Variants in ASPH observed in about 807,000 individuals in gnomAD.
ASPH encodes aspartyl/asparaginyl beta-hydroxylase.
ASPH carries 100 observed loss-of-function variants against 118.4 expected under a neutral mutation model. That is an observed-to-expected ratio of 0.84 (90% CI 0.72 to 1.00). ASPH has a LOEUF of 1.00. Ranked by LOEUF, ASPH falls within the 50% of genes least tolerant of loss-of-function variation. ASPH has a pLI of 0.00. For synonymous variants in ASPH, 315 were observed against 325.6 expected, an observed-to-expected ratio of 0.97 and a Z score of 0.35; for missense variants, 920 against 919.5, an observed-to-expected ratio of 1.00 and a Z score of -0.01.
chr8:61,653,714 C>T, intron 3 of ASPH, 54 bp from the exon 4 acceptor site: 1 of 1,525,732 alleles, frequency 6.6e-7, no homozygotes, highest in Non-Finnish European at 8.9e-7. Flanking sequence ...TTTTCTGTCA[C>T]ATTAAACCAG....
intron 17 of ASPH, among the ~76,000 whole-genome samples, chr8:61,563,733 A>T (rs774541444): frequency 3.3e-5 from 5 of 152,164 alleles, no homozygotes; most frequent in Non-Finnish European, 7.3e-5. Flanking sequence ...CCTCACTAAC[A>T]AATCTGGGCT....
At chr8:61,571,976 C>T (rs571080726) in intron 16 of ASPH, among the ~76,000 whole-genome samples, 119 of 152,300 alleles carry the variant, frequency 7.8e-4, no homozygotes, top group African/African-American at 2.8e-3. Flanking sequence ...CATACAGTTG[C>T]TGTCTGCTAA....
At chr8:61,513,634 C>T (rs1285410206) in intron 24 of ASPH, among the ~76,000 whole-genome samples, 1 of 152,156 alleles carries the variant, frequency 6.6e-6, no homozygotes, top group Non-Finnish European at 1.5e-5. Context: ...GAGTTGCAAG[C>T]ACTTTTAAAT....
chr8:61,709,753 G>T (rs1373815944), intron 1 of ASPH, among the ~76,000 whole-genome samples: 1 of 152,122 alleles, frequency 6.6e-6, no homozygotes, highest in Non-Finnish European at 1.5e-5. Context: ...AACAGTGGCT[G>T]GAGTTACCTC....
intron 14 of ASPH, among the ~76,000 whole-genome samples, chr8:61,600,361 T>C (rs1451573549): frequency 1.4e-5 from 2 of 146,280 alleles, no homozygotes; most frequent in South Asian, 2.1e-4. Flanking sequence ...TTTAACATAG[T>C]ATTGGAGGTC....
At chr8:61,515,752 G>A (rs988060585) in intron 24 of ASPH, among the ~76,000 whole-genome samples, 2 of 151,964 alleles carry the variant, frequency 1.3e-5, no homozygotes, top group African/African-American at 2.4e-5. Context: ...CTCAAGCATC[G>A]CCACCCTCCA....
At chr8:61,538,730 C>A (rs1820570934) in intron 21 of ASPH, among the ~76,000 whole-genome samples, 1 of 152,116 alleles carries the variant, frequency 6.6e-6, no homozygotes, top group Non-Finnish European at 1.5e-5. Flanking sequence ...ACATCACTGG[C>A]AAAATATTAC....
At chr8:61,577,418 A>AAAAAAAAAAAAAAAAAC (rs1835658516) in intron 15 of ASPH, among the ~76,000 whole-genome samples, 1 of 149,472 alleles carries the variant, frequency 6.7e-6, no homozygotes, top group Admixed American at 6.6e-5. Flanking sequence ...AAAAAAAAAA[A>AAAAAAAAAAAAAAAAAC]AAAAAGACAA....
intron 14 of ASPH, among the ~76,000 whole-genome samples, chr8:61,607,739 GA>G (rs1451234946): frequency 3.8e-4 from 58 of 152,288 alleles, no homozygotes; most frequent in Admixed American, 1.4e-3. Flanking sequence ...TCCCTTTGCA[GA>G]AAGTGAACAA....
intron 16 of ASPH, among the ~76,000 whole-genome samples, chr8:61,573,464 C>CAAGGCTTTGGTT (rs1834081127): frequency 6.6e-6 from 1 of 152,084 alleles, no homozygotes; most frequent in Admixed American, 6.6e-5. Context: ...CTTCAAACTA[C>CAAGGCTTTGGTT]ACTACAAGGC....
At chr8:61,710,432 T>C (rs1837801284) in intron 1 of ASPH, among the ~76,000 whole-genome samples, 1 of 152,238 alleles carries the variant, frequency 6.6e-6, no homozygotes, top group South Asian at 2.1e-4. Context: ...GAAAATGTCA[T>C]ACATTCATTT....
At chr8:61,556,170 C>T (rs1827794460) in intron 18 of ASPH, 148 bp from the exon 19 acceptor site, 7 of 651,768 alleles carry the variant, frequency 1.1e-5, no homozygotes. Flanking sequence ...CACCATAGTA[C>T]TTTGTCTCAT....
intron 14 of ASPH, among the ~76,000 whole-genome samples, chr8:61,607,912 G>C (rs932896523): frequency 6.6e-6 from 1 of 152,192 alleles, no homozygotes; most frequent in Non-Finnish European, 1.5e-5. Context: ...ATCTCAAAGA[G>C]GATAGTGTCT....
At chr8:61,588,562 T>C (rs1840151383) in intron 14 of ASPH, among the ~76,000 whole-genome samples, 1 of 152,194 alleles carries the variant, frequency 6.6e-6, no homozygotes, top group Non-Finnish European at 1.5e-5. Context: ...TCCTACAAGG[T>C]ATATTTTGAA....
chr8:61,529,019 T>C (rs1359801245), intron 21 of ASPH, among the ~76,000 whole-genome samples: 1 of 152,204 alleles, frequency 6.6e-6, no homozygotes, highest in Non-Finnish European at 1.5e-5. Context: ...AATACTTTCT[T>C]ACAGAATTTT....
chr8:61,548,233 C>A, intron 20 of ASPH, 25 bp from the exon 21 acceptor site: 1 of 1,596,126 alleles, frequency 6.3e-7, no homozygotes, highest in Non-Finnish European at 8.5e-7. Flanking sequence ...AGAATGTGCT[C>A]CAAACTGTTC....
rs28550168 is a variant in ASPH, at chr8:61,624,153, C to T, written c.935-5134G>A. 1,400 of 840,012 alleles carry T rather than the reference C, an allele frequency of 1.7e-3. 15 individuals are homozygous for T. In the African/African-American group the frequency reaches 0.023, roughly 14 times the overall value. 52.0% of individuals were successfully genotyped at this position (840,012 alleles called of 1,614,324 possible). A position where few individuals can be genotyped will look rare whatever the true frequency, so the allele number is the denominator to read the frequency against. ...CTATAGCCAACAATAATTTATTGTACATTTTCTATATCTGTATCGAAATAT... is the reference window on the plus strand; with the variant it reads ...CTATAGCCAACAATAATTTATTGTATATTTTCTATATCTGTATCGAAATAT... On this transcript the variant is annotated intron_variant, in intron 13 of 24. Transcript: ENST00000379454.
chr8:61,649,558 C>G lies in ASPH; in HGVS notation c.490+1492G>C, dbSNP rs553014609. Among the ~76,000 whole-genome samples, 8 of 152,260 alleles carry G rather than the reference C, an allele frequency of 5.3e-5. No homozygotes were observed. The South Asian group carries it at 1.7e-3, about 32-fold the overall frequency. On this transcript the variant is annotated intron_variant, in intron 5 of 24. Transcript: ENST00000379454. ...AACCATGGGCCATAAATGTGATTTT[C>G]TAAATGTGATTAAAGAAAAGAACAA...
rs1377444047 is a variant in ASPH, at chr8:61,501,998, A to G, written c.*1361T>C. 1 of 152,320 alleles carries G rather than the reference A, an allele frequency of 6.6e-6. No homozygotes were observed. Among genetic ancestry groups the G allele is most frequent in the East Asian group, 1.9e-4 (1 of 5,196 alleles). The allele number at this position is 152,320 out of a possible 1,614,324, so 9.4% of individuals were successfully genotyped here. A position where few individuals can be genotyped will look rare whatever the true frequency, so the allele number is the denominator to read the frequency against. ...GAATTCAGTGCATGAATATCATTAC[A>G]TTCTTATATCTAACATTCCTAGTTA... On this transcript the variant is annotated 3_prime_UTR_variant, in exon 25 of 25. Transcript: ENST00000379454.
Sources: allele counts gnomAD v4.1 joint callset (sites outside exome capture counted in the v4.1 genomes callset), GRCh38; gene constraint gnomAD v4.1.1; transcripts MANE v1.5; gene names NCBI Gene and HGNC (gene_info 2026-07-23, HGNC 2026-07-21).